The following CADM1 variants were observed in gnomAD, a reference collection of about 807,000 sequenced individuals.
CADM1 encodes the protein TSLC-1.
CADM1 carries 15 observed loss-of-function variants against 53.1 expected under a neutral mutation model. That is an observed-to-expected ratio of 0.28 (90% confidence interval 0.19 to 0.44). The LOEUF (loss-of-function observed/expected upper bound fraction) is 0.44. CADM1 is among the 20% of genes least tolerant of loss of function. The pLI is 1.00. For missense variants in CADM1, 434 were observed against 611.3 expected, an observed-to-expected ratio of 0.71 and a Z score of 3.06; for synonymous variants, 281 against 243.0, an observed-to-expected ratio of 1.16 and a Z score of -1.45.
rs535742013 is a variant in CADM1 at position 115,491,391 on chromosome 11, C to T, written c.124+12880G>A. Reference sequence around the variant, plus strand: ...CCATCCTGGCTAACACGGTGAAACCCCATCTCTACTAAAAATACAAAAAAT... The same window carrying T: ...CCATCCTGGCTAACACGGTGAAACCTCATCTCTACTAAAAATACAAAAAAT... On this transcript the variant is annotated intron_variant, in intron 1 of 11. Transcript: ENST00000331581. Among the ~76,000 whole-genome samples the T allele has an allele frequency of 6.6e-5, 10 of 152,080 alleles. No homozygotes were observed. The South Asian group carries it at 2.1e-3, about 32-fold the overall frequency.
chr11:115,235,241 A>G (rs1941972494), intron 3 of CADM1, among the ~76,000 whole-genome samples: 1 of 152,134 alleles, frequency 6.6e-6, no homozygotes. Context: ...TTTCTGAAAA[A>G]AAAAGGGTTG....
chr11:115,449,926 T>C (rs1050279285), intron 1 of CADM1, among the ~76,000 whole-genome samples: 3 of 152,162 alleles, frequency 2.0e-5, no homozygotes, highest in Admixed American at 2.0e-4. Context: ...AATTATGCCA[T>C]ATCTCTTTAT....
At chr11:115,445,699 C>T (rs1948434626) in intron 1 of CADM1, 1 of 399,744 alleles carries the variant, frequency 2.5e-6, no homozygotes, top group South Asian at 1.8e-5. Context: ...TAAAAATTAG[C>T]TGGGCGTGGT....
intron 1 of CADM1, among the ~76,000 whole-genome samples, chr11:115,280,718 A>G (rs1462945822): frequency 6.6e-6 from 1 of 152,242 alleles, no homozygotes; most frequent in Non-Finnish European, 1.5e-5. Flanking sequence ...ACAGAATTAA[A>G]CAAGGCAGTC....
chr11:115,293,248 T>A (rs1284251966), intron 1 of CADM1, among the ~76,000 whole-genome samples: 1 of 152,110 alleles, frequency 6.6e-6, no homozygotes, highest in Non-Finnish European at 1.5e-5. Context: ...CTGGCTAACA[T>A]GGTGAAACCC....
At chr11:115,202,377 C>T (rs996427487) in intron 8 of CADM1, among the ~76,000 whole-genome samples, 21 of 152,154 alleles carry the variant, frequency 1.4e-4, no homozygotes, top group African/African-American at 3.4e-4. Flanking sequence ...TCAAACACAA[C>T]GGGTGCCATA....
At chr11:115,468,244 A>T (rs1285219675) in intron 1 of CADM1, among the ~76,000 whole-genome samples, 1 of 152,230 alleles carries the variant, frequency 6.6e-6, no homozygotes, top group African/African-American at 2.4e-5. Context: ...AAGACACAGA[A>T]AATTACAAAG....
At chr11:115,259,067 C>T (rs984750128) in intron 1 of CADM1, among the ~76,000 whole-genome samples, 9 of 152,016 alleles carry the variant, frequency 5.9e-5, no homozygotes, top group Non-Finnish European at 1.0e-4. Context: ...CTTACTACAA[C>T]CTCTGCTCCC....
chr11:115,477,005 A>G (rs1170151317), intron 1 of CADM1, among the ~76,000 whole-genome samples: 1 of 152,188 alleles, frequency 6.6e-6, no homozygotes, highest in African/African-American at 2.4e-5. Flanking sequence ...CACATCCAGC[A>G]TTTCTTTAAA....
At chr11:115,448,216 T>C (rs1160852152) in intron 1 of CADM1, among the ~76,000 whole-genome samples, 1 of 152,224 alleles carries the variant, frequency 6.6e-6, no homozygotes, top group Non-Finnish European at 1.5e-5. Flanking sequence ...ATTGTTTCCC[T>C]TTCTCATTCT....
At chr11:115,233,144 G>C (rs1941882693) in intron 3 of CADM1, among the ~76,000 whole-genome samples, 1 of 152,158 alleles carries the variant, frequency 6.6e-6, no homozygotes, top group East Asian at 1.9e-4. Flanking sequence ...TTTGGTGGTG[G>C]TGGTGGCGGG....
At chr11:115,438,288 G>C (rs1377095198) in intron 1 of CADM1, among the ~76,000 whole-genome samples, 2 of 152,070 alleles carry the variant, frequency 1.3e-5, no homozygotes, top group African/African-American at 4.8e-5. Context: ...AGGGTTTCCA[G>C]ATCTTTTTTT....
intron 9 of CADM1, among the ~76,000 whole-genome samples, chr11:115,196,482 G>C (rs1031266941): frequency 6.7e-5 from 10 of 150,268 alleles, no homozygotes; most frequent in African/African-American, 2.4e-4. Context: ...TTTAGGAATT[G>C]TATGGTTACA....
At chr11:115,303,470 G>A (rs747999429) in intron 1 of CADM1, among the ~76,000 whole-genome samples, 7 of 151,894 alleles carry the variant, frequency 4.6e-5, no homozygotes, top group Non-Finnish European at 7.4e-5. Context: ...TTTTCTTCCT[G>A]CAATAAACTA....
At chr11:115,344,547 C>G (rs1945527686) in intron 1 of CADM1, among the ~76,000 whole-genome samples, 1 of 152,134 alleles carries the variant, frequency 6.6e-6, no homozygotes, top group Admixed American at 6.6e-5. Context: ...AGAACTCCTC[C>G]CCTACCTCAC....
At chr11:115,376,684 C>T (rs1208006809) in intron 1 of CADM1, among the ~76,000 whole-genome samples, 5 of 152,150 alleles carry the variant, frequency 3.3e-5, no homozygotes, top group African/African-American at 4.8e-5. Context: ...AATCGTGTCA[C>T]GTGGTATAAA....
At chr11:115,181,450 A>G (rs1163317188) in intron 10 of CADM1, among the ~76,000 whole-genome samples, 1 of 152,178 alleles carries the variant, frequency 6.6e-6, no homozygotes, top group Non-Finnish European at 1.5e-5. Flanking sequence ...TTATAAGGGT[A>G]ATCTCTCCAG....
At chr11:115,488,641 C>T (rs1346092562) in intron 1 of CADM1, among the ~76,000 whole-genome samples, 3 of 152,162 alleles carry the variant, frequency 2.0e-5, no homozygotes, top group Non-Finnish European at 4.4e-5. Flanking sequence ...TCTCTGCCTA[C>T]ACATGAAATC....
chr11:115,360,485 T>C (rs7124066), intron 1 of CADM1, among the ~76,000 whole-genome samples: 17 of 152,316 alleles, frequency 1.1e-4, no homozygotes, highest in South Asian at 8.3e-4. Context: ...ATATTCCAGA[T>C]GAAATCCTAG....
Sources: gnomAD v4.1 joint callset for allele counts (sites outside exome capture counted in the v4.1 genomes callset) on GRCh38, gnomAD v4.1.1 for gene constraint, MANE v1.5 for transcripts, NCBI Gene and HGNC (gene_info 2026-07-23, HGNC 2026-07-21) for gene names.